PDSS2: variants seen among roughly 807,000 people sequenced by gnomAD.
The protein encoded by PDSS2 is decaprenyl diphosphate synthase subunit 2, also known as all trans-polyprenyl-diphosphate synthase PDSS2.
A neutral mutation model predicts 44.5 loss-of-function variants in PDSS2; 31 were observed. The ratio of observed to expected loss-of-function variants is 0.70; its 90% CI spans 0.52 to 0.94. The LOEUF (loss-of-function observed/expected upper bound fraction) is 0.94, where lower values mean the gene tolerates loss of function less well. PDSS2 is among the 40% of genes least tolerant of loss of function. The pLI is 0.00. For missense variants in PDSS2, 452 were observed against 482.2 expected (o/e 0.94, Z 0.59); for synonymous variants, 157 against 180.3 (o/e 0.87, Z 1.03).
chr6:107,363,067 T>TA (rs1351946489), intron 1 of PDSS2, among the ~76,000 whole-genome samples: 11 of 152,092 alleles, frequency 7.2e-5, no homozygotes, highest in Non-Finnish European at 1.3e-4. Context: ...AAGGTGTCAT[T>TA]AAGAGTATCA....
chr6:107,193,610 T>G (rs1772454444), intron 7 of PDSS2, among the ~76,000 whole-genome samples: 1 of 152,222 alleles, frequency 6.6e-6, no homozygotes, highest in Admixed American at 6.5e-5. Context: ...TCTCAATACC[T>G]AATACAATGT....
At chr6:107,412,384 A>G (rs1006588727) in intron 1 of PDSS2, among the ~76,000 whole-genome samples, 3 of 151,326 alleles carry the variant, frequency 2.0e-5, no homozygotes, top group Non-Finnish European at 2.9e-5. Context: ...GAGTACAGGC[A>G]CCCGCCACCA....
chr6:107,459,066 T>G lies in PDSS2; in HGVS notation c.220A>C (p.Ser74Arg), dbSNP rs770795875. 6.2e-7 allele frequency: 1 copy of G among 1,613,998 alleles called. No homozygotes were observed. The highest frequency in any genetic ancestry group is 2.2e-5 in the East Asian group (1 of 44,844). Residue 74 changes from serine (S) to arginine (R), a missense_variant, in exon 1 of 8, where the codon AGC becomes CGC. Ser to Arg is a moderately radical substitution (Grantham distance 110). Transcript: ENST00000369037. The surrounding 1 kb of genome is among the most constrained non-coding windows in gnomAD (Gnocchi z 4.3). ...TSFMSLRCLL[S>R]DELSNIAMQV... ...ATAGCGATGTTGCTGAGCTCGTCGC[T>G]CAGCAGGCAGCGAAGGCTCATGAAG...
chr6:107,422,568 TA>T (rs942663853), intron 1 of PDSS2, among the ~76,000 whole-genome samples: 2 of 151,612 alleles, frequency 1.3e-5, no homozygotes, highest in African/African-American at 4.8e-5. Context: ...GAAAAACATT[TA>T]AAAAAAAGAG....
At chr6:107,245,509 G>A in intron 4 of PDSS2, 39 bp downstream of exon 4, 1 of 1,134,932 alleles carries the variant, frequency 8.8e-7, no homozygotes. Flanking sequence ...TACCACGACG[G>A]TTTATAACAT....
chr6:107,414,603 C>T (rs1477754000), intron 1 of PDSS2, among the ~76,000 whole-genome samples: 1 of 152,222 alleles, frequency 6.6e-6, no homozygotes, highest in Non-Finnish European at 1.5e-5. Flanking sequence ...GAAATACTTC[C>T]TTCTGCATCT....
chr6:107,285,039 G>A (rs1776094849), intron 2 of PDSS2, among the ~76,000 whole-genome samples: 1 of 152,188 alleles, frequency 6.6e-6, no homozygotes, highest in South Asian at 2.1e-4. Flanking sequence ...CTGCAAAGCT[G>A]GATTCAAGCC....
chr6:107,159,192 A>G (rs1771024308), intron 7 of PDSS2, among the ~76,000 whole-genome samples: 1 of 152,026 alleles, frequency 6.6e-6, no homozygotes, highest in Non-Finnish European at 1.5e-5. Context: ...CAAGAAAGCC[A>G]TCCCACCCAC....
chr6:107,339,850 C>T (rs1778025595), intron 1 of PDSS2, among the ~76,000 whole-genome samples: 1 of 152,154 alleles, frequency 6.6e-6, no homozygotes, highest in African/African-American at 2.4e-5. Flanking sequence ...AAGAGGTTTG[C>T]TCTTTATCCA....
intron 2 of PDSS2, among the ~76,000 whole-genome samples, chr6:107,323,515 G>A (rs1206226895): frequency 6.6e-6 from 1 of 152,060 alleles, no homozygotes; most frequent in Non-Finnish European, 1.5e-5. Flanking sequence ...CTTACTTAAG[G>A]TCAAATAGCT....
At chr6:107,445,182 CA>C (rs1781631119) in intron 1 of PDSS2, among the ~76,000 whole-genome samples, 1 of 150,870 alleles carries the variant, frequency 6.6e-6, no homozygotes, top group Non-Finnish European at 1.5e-5. Flanking sequence ...TTATAAATTA[CA>C]TATTTTATAT....
intron 1 of PDSS2, among the ~76,000 whole-genome samples, chr6:107,418,907 A>G (rs1036907038): frequency 6.6e-6 from 1 of 152,208 alleles, no homozygotes; most frequent in Non-Finnish European, 1.5e-5. Flanking sequence ...ACTTTCTGTA[A>G]TATTTCATAT....
At chr6:107,158,457 T>A (rs1252734949) in intron 7 of PDSS2, among the ~76,000 whole-genome samples, 2 of 152,058 alleles carry the variant, frequency 1.3e-5, no homozygotes, top group African/African-American at 4.8e-5. Flanking sequence ...AGTGCTGGGG[T>A]TACAGGCGTG....
At chr6:107,243,080 C>T (rs1774497356) in intron 4 of PDSS2, among the ~76,000 whole-genome samples, 1 of 152,266 alleles carries the variant, frequency 6.6e-6, no homozygotes, top group Admixed American at 6.5e-5. Context: ...CCTTCAAAGA[C>T]TTTGTTGCTT....
Position 107,193,723 on chromosome 6 carries a change from T to C in PDSS2, c.1041+99A>G, listed in dbSNP as rs547812443. On this transcript the variant is annotated intron_variant, in intron 7 of 7. Coordinates refer to ENST00000369037, the MANE Select transcript of PDSS2 (RefSeq NM_020381.4). ...CTTAACAGGAAATGTCCTTCAGCTC[T>C]CAATGTGATCATTCTCTTTTGACCT... 905 of 801,422 alleles carry C rather than the reference T, an allele frequency of 1.1e-3. 2 individuals carry two copies. The highest frequency in any genetic ancestry group is 1.8e-3 in the Non-Finnish European group (793 of 443,446). The allele number at this position is 801,422 out of a possible 1,614,324, so 49.6% of individuals were successfully genotyped here. A position where few individuals can be genotyped will look rare whatever the true frequency, so the allele number is the denominator to read the frequency against.
In PDSS2 at chr6:107,322,550, C is replaced by A. The variant is rs568283160; in HGVS notation, c.431+11648G>T. On this transcript the variant is annotated intron_variant, in intron 2 of 7. Coordinates refer to ENST00000369037, the MANE Select transcript of PDSS2 (RefSeq NM_020381.4). ...AAGCAAACAAACAAAACAACAACAA[C>A]AAAAAAACTTGAGGCCGGGTGTGGT... 2.8e-4 allele frequency among the ~76,000 whole-genome samples: 42 copies of A among 149,708 alleles called. No individual in the cohort carries two copies. The East Asian group carries it at 4.9e-3, about 17-fold the overall frequency.
chr6:107,439,145 G>C (rs1781442221), intron 1 of PDSS2, among the ~76,000 whole-genome samples: 1 of 152,222 alleles, frequency 6.6e-6, no homozygotes. Flanking sequence ...TTCCTGTACA[G>C]AGAATTGAAA....
chr6:107,276,124 G>GAAAAAAAAA lies in PDSS2; in HGVS notation c.432-1898_432-1897insTTTTTTTTT, dbSNP rs1775774129. 4.8e-3 allele frequency among the ~76,000 whole-genome samples: 61 copies of GAAAAAAAAA among 12,710 alleles called. 1 individual carries two copies. Among genetic ancestry groups the GAAAAAAAAA allele is most frequent in the Middle Eastern group, 0.071 (1 of 14 alleles). The allele number at this position is 12,710 out of a possible 152,430, so 8.3% of individuals were successfully genotyped here. On this transcript the variant is annotated intron_variant, in intron 2 of 7. Transcript: ENST00000369037. ...AGTGAGACCCTATCTCAAAAAAAAG[G>GAAAAAAAAA]AAAGAAAAGAAAAGAAAAGAAAAGG...
intron 7 of PDSS2, among the ~76,000 whole-genome samples, chr6:107,157,728 T>C (rs540332537): frequency 7.1e-4 from 108 of 151,942 alleles, no homozygotes; most frequent in African/African-American, 2.1e-3. Flanking sequence ...TGGAGTGCAA[T>C]GGCGCGATCT....
Sources: gnomAD v4.1 joint callset for allele counts (sites outside exome capture counted in the v4.1 genomes callset) on GRCh38, gnomAD v4.1.1 for gene constraint, Gnocchi (gnomAD v3.1) non-coding constraint, MANE v1.5 for transcripts, NCBI Gene and HGNC (gene_info 2026-07-23, HGNC 2026-07-21) for gene names.